The following DNAJC12 variants were observed in gnomAD, a reference collection of about 807,000 sequenced individuals.
DNAJC12 encodes dnaJ homolog subfamily C member 12.
Under a neutral mutation model 28.5 loss-of-function variants are expected in DNAJC12, and 25 were observed. The ratio of observed to expected loss-of-function variants is 0.88; its 90% CI spans 0.64 to 1.22. The LOEUF is 1.22. DNAJC12 is among the 50% of genes most tolerant of loss of function. DNAJC12 has a pLI of 0.00. For missense variants in DNAJC12, 222 were observed against 231.7 expected (o/e 0.96, Z 0.27); for synonymous variants, 77 against 80.6 (o/e 0.95, Z 0.24).
chr10:67,818,308 G>A (rs1432325650), intron 2 of DNAJC12, among the ~76,000 whole-genome samples: 1 of 152,126 alleles, frequency 6.6e-6, no homozygotes, highest in African/African-American at 2.4e-5. Context: ...CTGAGTAAAC[G>A]GATGCTTAAA....
intron 3 of DNAJC12, chr10:67,810,971 G>T (rs1841853006): frequency 6.6e-6 from 1 of 152,318 alleles, no homozygotes. Flanking sequence ...ATATATGACA[G>T]TAATTATAGT....
chr10:67,798,435 T>A lies in DNAJC12; in HGVS notation c.503-1225A>T, dbSNP rs558409511. Among the ~76,000 whole-genome samples the A allele has an allele frequency of 2.0e-5, 3 of 152,134 alleles. No homozygotes were observed. In the South Asian group the frequency reaches 6.2e-4, roughly 32 times the overall value. On this transcript the variant is annotated intron_variant, in intron 4 of 4. Transcript: ENST00000225171. The stretch of plus-strand genomic sequence containing the variant: ...TGGCTCACGCTTGTAATCCTAGCAC[T>A]TTGGGAGGCCGAGGCAGGTGCCTCT...
Position 67,819,640 on chromosome 10 carries a change from AAAAG to A in DNAJC12, c.157+3670_157+3673del, listed in dbSNP as rs201466779. Among the ~76,000 whole-genome samples the A allele has an allele frequency of 2.9e-3, 409 of 138,936 alleles. 8 individuals are homozygous for A. Among genetic ancestry groups the A allele is most frequent in the African/African-American group, 0.01 (345 of 34,122 alleles). The allele number at this position is 138,936 out of a possible 152,430, so 91.1% of individuals were successfully genotyped here. On this transcript the variant is annotated intron_variant, in intron 2 of 4. Coordinates refer to ENST00000225171, the MANE Select transcript of DNAJC12 (RefSeq NM_021800.3). ...GGCAACAAAGTGAGACTGTCACAAA[AAAAG>A]AAAGAAAGAAAGAAAGAGAAAGAAA...
chr10:67,802,070 C>T (rs757947093), intron 4 of DNAJC12, among the ~76,000 whole-genome samples: 4 of 151,756 alleles, frequency 2.6e-5, no homozygotes, highest in Non-Finnish European at 5.9e-5. Context: ...TGCTATGTTG[C>T]TCAAGCTGGT....
Position 67,837,940 on chromosome 10 carries a change from T to A in DNAJC12, c.72A>T (p.Leu24=), listed in dbSNP as rs2131820274. The A allele has an allele frequency of 6.3e-7, 1 of 1,594,454 alleles. No individual in the cohort carries two copies. Among genetic ancestry groups the A allele is most frequent in the East Asian group, 2.3e-5 (1 of 44,130 alleles). Residue 24 remains leucine (L), a synonymous_variant, in exon 1 of 5, where the codon CTA becomes CTT. Coordinates refer to ENST00000225171, the MANE Select transcript of DNAJC12 (RefSeq NM_021800.3). ...ATATTATCCACTGTCTTACCGAAGA[T>A]AGTTCATCACATCCCAGTAATGTGT... The part of the protein sequence containing the change: ...DYYTLLGCDE[L]SSVEQILAEF...
intron 4 of DNAJC12, among the ~76,000 whole-genome samples, chr10:67,797,507 T>C (rs77963915): frequency 0.15 from 22,610 of 151,152 alleles, 2,821 homozygotes; most frequent in African/African-American, 0.34. Flanking sequence ...CAAAGAAATT[T>C]GAAACAAATT....
At chr10:67,827,931 G>T (rs1842053314) in intron 1 of DNAJC12, among the ~76,000 whole-genome samples, 1 of 152,104 alleles carries the variant, frequency 6.6e-6, no homozygotes, top group South Asian at 2.1e-4. Context: ...GGTAAAGTGG[G>T]TTAGTTTATC....
Position 67,805,755 on chromosome 10 carries a change from G to C in DNAJC12, c.330C>G (p.Asp110Glu). 1 of 1,606,922 alleles carries C rather than the reference G, an allele frequency of 6.2e-7. No individual in the cohort carries two copies. The highest frequency in any genetic ancestry group is 8.5e-7 in the Non-Finnish European group (1 of 1,177,992). Reference protein sequence around the residue: ...SMHWVVRGKKDLMLEESDKTH... With the variant: ...SMHWVVRGKKELMLEESDKTH... ...TCTTGTCAGATTCTTCCAGCATCAG[G>C]TCTTTTTTACCTCTGACAACCCAGT... The change falls in exon 4 of 5, where the codon GAC becomes GAG. Residue 110 changes from aspartate (D) to glutamate (E), a missense_variant. Asp to Glu is a conservative substitution (Grantham distance 45). Coordinates refer to ENST00000225171, the MANE Select transcript of DNAJC12 (RefSeq NM_021800.3).
At chr10:67,827,101 T>A (rs1335245317) in intron 1 of DNAJC12, among the ~76,000 whole-genome samples, 1 of 151,724 alleles carries the variant, frequency 6.6e-6, no homozygotes, top group Non-Finnish European at 1.5e-5. Context: ...TAGAAAACAT[T>A]CTGGGCTGGG....
At chr10:67,825,674 C>T (rs536068137) in intron 1 of DNAJC12, 58 of 152,424 alleles carry the variant, frequency 3.8e-4, no homozygotes, top group African/African-American at 1.3e-3. Context: ...TCCGTGTCAT[C>T]CTTAGTCAAC....
rs1841923617 is a variant in DNAJC12, at chr10:67,817,058, T to C, written c.158-5395A>G. ...GGCCTTAGATTTACTTTTTTTTTTT[T>C]CAGGGAATAAAAGAATGATCTAATC... On this transcript the variant is annotated intron_variant, in intron 2 of 4. Coordinates refer to ENST00000225171, the MANE Select transcript of DNAJC12 (RefSeq NM_021800.3). 3.3e-5 allele frequency among the ~76,000 whole-genome samples: 5 copies of C among 151,922 alleles called. No individual in the cohort carries two copies. The South Asian group carries it at 1.0e-3, about 32-fold the overall frequency.
At chr10:67,819,712 A>AAAGAAAGAAAGAG in intron 2 of DNAJC12, among the ~76,000 whole-genome samples, 1 of 13,716 alleles carries the variant, frequency 7.3e-5, no homozygotes, top group Non-Finnish European at 1.9e-4. Flanking sequence ...GGAAGGAAGG[A>AAAGAAAGAAAGAG]AGGAAGCAAG....
rs533557303 is a variant in DNAJC12 at position 67,797,958 on chromosome 10, T to A, written c.503-748A>T. Among the ~76,000 whole-genome samples the A allele has an allele frequency of 3.3e-5, 5 of 149,594 alleles. No individual in the cohort carries two copies. The South Asian group carries it at 1.0e-3, about 31-fold the overall frequency. ...GGGAGGCTGAGGCAGGAGAATGGCG[T>A]GAACCCGGCATGCGGAGGTTGCAGT... On this transcript the variant is annotated intron_variant, in intron 4 of 4. Coordinates refer to ENST00000225171, the MANE Select transcript of DNAJC12 (RefSeq NM_021800.3).
intron 2 of DNAJC12, among the ~76,000 whole-genome samples, chr10:67,817,720 TA>T (rs67187193): frequency 0.99 from 149,725 of 151,374 alleles, 74,071 homozygotes; most frequent in East Asian, 1. Context: ...CCACTAAAAA[TA>T]AAAAAAATCA....
At chr10:67,835,717 G>GACACACACAC (rs34238470) in intron 1 of DNAJC12, among the ~76,000 whole-genome samples, 7,279 of 118,834 alleles carry the variant, frequency 0.061, 223 homozygotes, top group Middle Eastern at 0.075. Flanking sequence ...GAGAAAAAAT[G>GACACACACAC]ACACACACAC....
intron 1 of DNAJC12, among the ~76,000 whole-genome samples, chr10:67,830,602 C>T (rs1232738766): frequency 2.8e-5 from 4 of 143,898 alleles, no homozygotes; most frequent in South Asian, 2.2e-4. Context: ...AGCAAGACTC[C>T]GTCTCAAAAA....
chr10:67,835,535 C>G (rs1216440991), intron 1 of DNAJC12, among the ~76,000 whole-genome samples: 2 of 151,826 alleles, frequency 1.3e-5, no homozygotes, highest in Non-Finnish European at 2.9e-5. Flanking sequence ...ACTAAAAATA[C>G]AAAAATTAGC....
At chr10:67,817,092 T>C (rs933687453) in intron 2 of DNAJC12, among the ~76,000 whole-genome samples, 4 of 152,048 alleles carry the variant, frequency 2.6e-5, no homozygotes, top group Admixed American at 6.6e-5. Flanking sequence ...TCATTACTTA[T>C]AAAAAGAGAA....
intron 3 of DNAJC12, among the ~76,000 whole-genome samples, chr10:67,810,528 C>A (rs1841848697): frequency 6.6e-6 from 1 of 152,080 alleles, no homozygotes. Context: ...TGTTCCCAAA[C>A]AATGCTTTTC....
Sources: gnomAD v4.1 joint callset for allele counts (sites outside exome capture counted in the v4.1 genomes callset) on GRCh38, gnomAD v4.1.1 for gene constraint, MANE v1.5 for transcripts, NCBI Gene and HGNC (gene_info 2026-07-23, HGNC 2026-07-21) for gene names.